TMCC1: variants seen among roughly 807,000 people sequenced by gnomAD.
The protein encoded by TMCC1 is transmembrane and coiled-coil domain family 1, also known as transmembrane and coiled-coil domains protein 1.
A neutral mutation model predicts 52.4 loss-of-function variants in TMCC1; 15 were observed. The observed-to-expected ratio is 0.29, with a 90% CI of 0.19 to 0.44. The LOEUF is 0.44. Among genes scored for constraint, TMCC1 ranks in the 20% least tolerant of loss-of-function variants. The probability of loss-of-function intolerance (pLI) is 1.00; values close to 1 mark genes in which losing one functional copy is unlikely to be tolerated. For synonymous variants in TMCC1, 279 were observed against 301.9 expected, an observed-to-expected ratio of 0.92 and a Z score of 0.79; for missense variants, 503 against 806.0, an observed-to-expected ratio of 0.62 and a Z score of 4.55.
intron 2 of TMCC1, among the ~76,000 whole-genome samples, chr3:129,839,877 T>C (rs1232417086): frequency 6.6e-6 from 1 of 151,330 alleles, no homozygotes; most frequent in South Asian, 2.1e-4. Flanking sequence ...AGAGAGACCT[T>C]GTCTCAAAAA....
chr3:129,763,054 C>T (rs985465987), intron 4 of TMCC1, among the ~76,000 whole-genome samples: 6 of 151,188 alleles, frequency 4.0e-5, no homozygotes, highest in South Asian at 4.2e-4. Flanking sequence ...AAAAATTAGC[C>T]GGGCGTAGTA....
intron 2 of TMCC1, among the ~76,000 whole-genome samples, chr3:129,843,580 T>C (rs2059523738): frequency 6.6e-6 from 1 of 151,968 alleles, no homozygotes. Context: ...TAAAAAAGAA[T>C]AATAAAAGAT....
At chr3:129,654,308 T>C (rs2086537857) in intron 6 of TMCC1, among the ~76,000 whole-genome samples, 1 of 152,166 alleles carries the variant, frequency 6.6e-6, no homozygotes, top group African/African-American at 2.4e-5. Context: ...AAGCAGGGCC[T>C]GAAGAAGATG....
At chr3:129,833,252 A>G (rs1425647404) in intron 2 of TMCC1, among the ~76,000 whole-genome samples, 1 of 152,170 alleles carries the variant, frequency 6.6e-6, no homozygotes, top group Non-Finnish European at 1.5e-5. Context: ...CCTAATCTGT[A>G]TCTGCCATTC....
intron 2 of TMCC1, among the ~76,000 whole-genome samples, chr3:129,876,307 G>GAATAAATA (rs780199776): frequency 1.3e-3 from 154 of 122,210 alleles, no homozygotes; most frequent in Non-Finnish European, 1.4e-3. Context: ...AAAAAAAAAA[G>GAATAAATA]AATAAATATA....
At chr3:129,814,475 T>G (rs1038741478) in intron 4 of TMCC1, among the ~76,000 whole-genome samples, 1 of 151,388 alleles carries the variant, frequency 6.6e-6, no homozygotes, top group Non-Finnish European at 1.5e-5. Context: ...AAGACAATAG[T>G]AAAAAAGGGA....
At chr3:129,673,845 C>T (rs1335627618) in intron 4 of TMCC1, among the ~76,000 whole-genome samples, 1 of 150,360 alleles carries the variant, frequency 6.7e-6, no homozygotes, top group Non-Finnish European at 1.5e-5. Flanking sequence ...AAAAAAAAAT[C>T]TCTACACTAA....
intron 1 of TMCC1, among the ~76,000 whole-genome samples, chr3:129,884,753 G>A (rs888149534): frequency 2.0e-5 from 3 of 152,122 alleles, no homozygotes; most frequent in African/African-American, 7.2e-5. Context: ...CTTGCCTACA[G>A]AGAAATTCTT....
At chr3:129,884,746 G>A (rs1234939599) in intron 1 of TMCC1, among the ~76,000 whole-genome samples, 1 of 152,100 alleles carries the variant, frequency 6.6e-6, no homozygotes, top group African/African-American at 2.4e-5. Context: ...TGAAGGGCTT[G>A]CCTACAGAGA....
At chr3:129,657,899 A>G (rs2086769857) in intron 5 of TMCC1, among the ~76,000 whole-genome samples, 1 of 152,208 alleles carries the variant, frequency 6.6e-6, no homozygotes, top group African/African-American at 2.4e-5. Flanking sequence ...TCTACCCCAG[A>G]TATAACTGAA....
chr3:129,815,980 T>C (rs980759041), intron 4 of TMCC1, among the ~76,000 whole-genome samples: 26 of 152,060 alleles, frequency 1.7e-4, no homozygotes, highest in African/African-American at 6.3e-4. Context: ...AACAAGTATA[T>C]GAAAAAATGC....
chr3:129,691,456 GC>G (rs2047022991), intron 4 of TMCC1, among the ~76,000 whole-genome samples: 1 of 151,950 alleles, frequency 6.6e-6, no homozygotes, highest in Non-Finnish European at 1.5e-5. Flanking sequence ...TAGAACTAAA[GC>G]CATAGGTCTT....
chr3:129,765,639 TA>T, intron 4 of TMCC1, among the ~76,000 whole-genome samples: 1 of 152,156 alleles, frequency 6.6e-6, no homozygotes, highest in East Asian at 1.9e-4. Context: ...ATAAGAGAAG[TA>T]TCTCCTAGCT....
chr3:129,742,348 A>G (rs1269604114), intron 4 of TMCC1, among the ~76,000 whole-genome samples: 3 of 152,166 alleles, frequency 2.0e-5, no homozygotes, highest in Admixed American at 6.5e-5. Context: ...TGTACACAGA[A>G]TATATAAAAA....
chr3:129,712,918 AAC>A (rs1435100611), intron 4 of TMCC1, among the ~76,000 whole-genome samples: 5 of 152,104 alleles, frequency 3.3e-5, no homozygotes, highest in Non-Finnish European at 7.4e-5. Context: ...GTAGGACTGA[AAC>A]TAGAGCCTCT....
chr3:129,701,485 G>A (rs188807801), intron 4 of TMCC1, among the ~76,000 whole-genome samples: 162 of 152,240 alleles, frequency 1.1e-3, no homozygotes, highest in African/African-American at 3.5e-3. Context: ...GTGGAGGAAC[G>A]GAAAAATGAG....
intron 4 of TMCC1, among the ~76,000 whole-genome samples, chr3:129,689,760 G>A (rs954886646): frequency 2.6e-5 from 4 of 152,144 alleles, no homozygotes; most frequent in African/African-American, 9.7e-5. Flanking sequence ...GAAAATGCTG[G>A]GTTGAAACCA....
intron 2 of TMCC1, among the ~76,000 whole-genome samples, chr3:129,836,640 C>G (rs2059173067): frequency 6.6e-6 from 1 of 152,182 alleles, no homozygotes; most frequent in East Asian, 1.9e-4. Flanking sequence ...TAGACAGGCA[C>G]CTAAAAGCCT....
At chr3:129,768,809 G>C (rs1191589755) in intron 4 of TMCC1, among the ~76,000 whole-genome samples, 1 of 152,186 alleles carries the variant, frequency 6.6e-6, no homozygotes, top group Non-Finnish European at 1.5e-5. Context: ...TCTGTCTCTA[G>C]AAACTATGAT....
Sources: allele counts gnomAD v4.1 joint callset (sites outside exome capture counted in the v4.1 genomes callset), GRCh38; gene constraint gnomAD v4.1.1; transcripts MANE v1.5; gene names NCBI Gene and HGNC (gene_info 2026-07-23, HGNC 2026-07-21).